Variants in CR1 observed in about 807,000 individuals in gnomAD.
The protein encoded by CR1 is complement C3b/C4b receptor 1 (Knops blood group).
In CR1, 116 loss-of-function variants were observed where a neutral mutation model predicts 187.3. The ratio of observed to expected loss-of-function variants is 0.62; its 90% confidence interval spans 0.53 to 0.72. The LOEUF is 0.72. CR1 is among the 30% of genes least tolerant of loss of function. CR1 has a pLI of 0.00. For synonymous variants in CR1, 576 were observed against 747.1 expected (o/e 0.77, Z 3.73); for missense variants, 1,731 against 2,110.7 (o/e 0.82, Z 3.52).
At chr1:207,523,298 G>A (rs1402786030) in intron 4 of CR1, among the ~76,000 whole-genome samples, 2 of 152,056 alleles carry the variant, frequency 1.3e-5, no homozygotes, top group Admixed American at 6.6e-5. Context: ...AATTAAGAAA[G>A]CAAACGGAAA....
At chr1:207,499,196 G>A (rs1659190592) in intron 1 of CR1, among the ~76,000 whole-genome samples, 1 of 152,140 alleles carries the variant, frequency 6.6e-6, no homozygotes, top group Non-Finnish European at 1.5e-5. Flanking sequence ...GTCACAGAAA[G>A]CAGGAATAGC....
chr1:207,573,013 C>A (rs980861300), intron 27 of CR1, among the ~76,000 whole-genome samples: 3 of 152,152 alleles, frequency 2.0e-5, no homozygotes, highest in Admixed American at 6.5e-5. Flanking sequence ...AACTTGATTG[C>A]GTCTGCAAAG....
intron 4 of CR1, among the ~76,000 whole-genome samples, chr1:207,520,349 G>A (rs1659936760): frequency 6.6e-6 from 1 of 152,230 alleles, no homozygotes; most frequent in Non-Finnish European, 1.5e-5. Context: ...TCGCAGATAT[G>A]CTGCCGTGAC....
chr1:207,523,386 T>C (rs1660057712), intron 4 of CR1, among the ~76,000 whole-genome samples: 1 of 152,118 alleles, frequency 6.6e-6, no homozygotes, highest in African/African-American at 2.4e-5. Context: ...GTGGATTGAG[T>C]TAATACATGC....
In CR1 at chr1:207,496,285, A is replaced by G; in HGVS notation, c.18A>G (p.Pro6=). 6.2e-7 allele frequency: 1 copy of G among 1,613,812 alleles called. No individual in the cohort carries two copies. Among genetic ancestry groups the G allele is most frequent in the Non-Finnish European group, 8.5e-7 (1 of 1,179,850 alleles). The part of the protein sequence containing the change: MGASS[P]RSPEPVGPPA... ...TGGGGAGAATGGGGGCCTCTTCTCC[A>G]AGAAGCCCGGAGCCTGTCGGGCCGC... Residue 6 remains proline, a synonymous_variant, in exon 1 of 47, where the codon CCA becomes CCG. Coordinates refer to ENST00000367049, the MANE Select transcript of CR1 (RefSeq NM_000651.6).
At chr1:207,605,358 C>T (rs1032803793) in intron 35 of CR1, among the ~76,000 whole-genome samples, 1 of 151,572 alleles carries the variant, frequency 6.6e-6, no homozygotes, top group Non-Finnish European at 1.5e-5. Flanking sequence ...CACACACACA[C>T]ACACACACAC....
At chr1:207,590,608 C>T (rs751931751) in intron 35 of CR1, among the ~76,000 whole-genome samples, 48 of 152,168 alleles carry the variant, frequency 3.2e-4, no homozygotes, top group Non-Finnish European at 6.9e-4. Flanking sequence ...TTACACATAA[C>T]AATTCTAACA....
At chr1:207,502,637 G>A (rs1256890135) in intron 1 of CR1, among the ~76,000 whole-genome samples, 1 of 152,206 alleles carries the variant, frequency 6.6e-6, no homozygotes, top group Non-Finnish European at 1.5e-5. Context: ...ATAGACAAGG[G>A]CTTCCTTGCT....
intron 3 of CR1, among the ~76,000 whole-genome samples, chr1:207,509,206 G>A (rs1216568591): frequency 6.6e-6 from 1 of 152,168 alleles, no homozygotes; most frequent in Non-Finnish European, 1.5e-5. Context: ...TCGGGGCCCT[G>A]GGGAGGAGAC....
At chr1:207,613,994 C>T (rs1039580129) in intron 39 of CR1, among the ~76,000 whole-genome samples, 1 of 152,168 alleles carries the variant, frequency 6.6e-6, no homozygotes, top group African/African-American at 2.4e-5. Flanking sequence ...GCTGTTCTGC[C>T]TCATGACCCA....
At chr1:207,634,351 A>G (rs530062377) in intron 46 of CR1, among the ~76,000 whole-genome samples, 2 of 152,356 alleles carry the variant, frequency 1.3e-5, no homozygotes, top group East Asian at 1.9e-4. Context: ...TTTTAAGATT[A>G]GAATTTTGAC....
chr1:207,627,929 C>T (rs937042042), intron 45 of CR1, among the ~76,000 whole-genome samples: 4 of 152,130 alleles, frequency 2.6e-5, no homozygotes, highest in Non-Finnish European at 5.9e-5. Flanking sequence ...CTCTCCTGGT[C>T]TCTTTTCTAA....
Position 207,523,661 on chromosome 1 carries a change from A to T in CR1, c.538A>T (p.Thr180Ser). 1.2e-6 allele frequency: 2 copies of T among 1,613,918 alleles called. No individual in the cohort carries two copies. The highest frequency in any genetic ancestry group is 1.7e-5 in the Admixed American group (1 of 60,026). Residue 180 changes from threonine to serine, a missense_variant, in exon 5 of 47, where the codon ACC becomes TCC. By Grantham distance (58) the Thr-to-Ser change is moderately conservative. Coordinates refer to ENST00000367049, the MANE Select transcript of CR1 (RefSeq NM_000651.6). ...CATCACCAATGGAGATTTCATTAGC[A>T]CCAACAGAGAGAATTTTCACTATGG... is the stretch of plus-strand genomic sequence containing the variant. ...PTITNGDFIS[T>S]NRENFHYGSV...
chr1:207,633,117 C>T (rs896220740), intron 46 of CR1, among the ~76,000 whole-genome samples: 2 of 152,130 alleles, frequency 1.3e-5, no homozygotes, highest in Admixed American at 1.3e-4. Context: ...AACACTTTTC[C>T]GCCTTTCTTT....
chr1:207,499,973 C>T (rs1659215899), intron 1 of CR1, among the ~76,000 whole-genome samples: 1 of 152,208 alleles, frequency 6.6e-6, no homozygotes, highest in Non-Finnish European at 1.5e-5. Flanking sequence ...GACAATCCCT[C>T]TCACCCTCTC....
intron 28 of CR1, among the ~76,000 whole-genome samples, chr1:207,577,056 GC>G (rs1027222818): frequency 1.3e-5 from 2 of 152,218 alleles, no homozygotes; most frequent in Non-Finnish European, 2.9e-5. Context: ...TTCGAGACCA[GC>G]CTGGCCAACA....
chr1:207,587,872 G>A (rs1484506033), intron 34 of CR1, among the ~76,000 whole-genome samples: 1 of 152,244 alleles, frequency 6.6e-6, no homozygotes, highest in Non-Finnish European at 1.5e-5. Flanking sequence ...CTTCTTGCTT[G>A]TAGTTCCTGA....
At chr1:207,582,364 T>C (rs1660983669) in intron 32 of CR1, among the ~76,000 whole-genome samples, 1 of 152,236 alleles carries the variant, frequency 6.6e-6, no homozygotes, top group Non-Finnish European at 1.5e-5. Flanking sequence ...AGTCATATAC[T>C]CATTCTTTCA....
chr1:207,515,533 T>A (rs745986651), intron 4 of CR1, among the ~76,000 whole-genome samples: 17 of 152,022 alleles, frequency 1.1e-4, no homozygotes, highest in Non-Finnish European at 1.9e-4. Context: ...CTAAATTTTA[T>A]ATTAAAGGAA....
Sources: gnomAD v4.1 joint callset for allele counts (sites outside exome capture counted in the v4.1 genomes callset) on GRCh38, gnomAD v4.1.1 for gene constraint, MANE v1.5 for transcripts, NCBI Gene and HGNC (gene_info 2026-07-23, HGNC 2026-07-21) for gene names.